Variants in CAMKMT observed in about 807,000 individuals in gnomAD.
CAMKMT encodes the protein calmodulin-lysine N-methyltransferase.
Under a neutral mutation model 48.0 loss-of-function variants are expected in CAMKMT, and 53 were observed. The observed-to-expected ratio is 1.10, with a 90% CI of 0.89 to 1.39. CAMKMT has a LOEUF of 1.39. Ranked by LOEUF, CAMKMT falls within the 40% of genes most tolerant of loss-of-function variation. The pLI is 0.00. For synonymous variants in CAMKMT, 165 were observed against 152.3 expected (o/e 1.08, Z -0.61); for missense variants, 428 against 402.7 (o/e 1.06, Z -0.54).
chr2:44,492,786 T>A (rs1283739466), intron 3 of CAMKMT, among the ~76,000 whole-genome samples: 1 of 152,160 alleles, frequency 6.6e-6, no homozygotes, highest in Non-Finnish European at 1.5e-5. Context: ...GGCTTTCTCC[T>A]AAGGCATTTG....
chr2:44,744,741 A>G (rs1015070732), intron 8 of CAMKMT, among the ~76,000 whole-genome samples: 2 of 152,036 alleles, frequency 1.3e-5, no homozygotes, highest in Non-Finnish European at 2.9e-5. Context: ...AAGATTTTCA[A>G]TGGATAACTT....
At chr2:44,591,091 G>C (rs1670234948) in intron 3 of CAMKMT, among the ~76,000 whole-genome samples, 2 of 151,492 alleles carry the variant, frequency 1.3e-5, no homozygotes, top group African/African-American at 4.9e-5. Context: ...TCTGAGGGCT[G>C]TGTCCTGTTC....
intron 3 of CAMKMT, among the ~76,000 whole-genome samples, chr2:44,590,453 C>G (rs768840617): frequency 2.6e-5 from 4 of 152,294 alleles, no homozygotes; most frequent in Non-Finnish European, 5.9e-5. Context: ...GCCATTCTAT[C>G]TGGCGTGAGA....
In CAMKMT at chr2:44,772,107, T is replaced by G; in HGVS notation, c.966T>G (p.His322Gln). 1 of 1,612,854 alleles carries G rather than the reference T, an allele frequency of 6.2e-7. No individual in the cohort carries two copies. The highest frequency in any genetic ancestry group is 8.5e-7 in the Non-Finnish European group (1 of 1,179,220). Residue 322 changes from histidine to glutamine, a missense_variant, in exon 11 of 11, where the codon CAT becomes CAG. Physicochemically the swap from His to Gln is conservative, Grantham distance 24 (BLOSUM62 0). Coordinates refer to ENST00000378494, the MANE Select transcript of CAMKMT (RefSeq NM_024766.5). ...CGCTTCTGCTTATTTTGACCAAACA[T>G]GGATAGAAGATTAAGCTTCTCAAAG... ...HYPLLLILTK[H>Q]G
intron 3 of CAMKMT, among the ~76,000 whole-genome samples, chr2:44,411,486 T>C (rs966800087): frequency 3.3e-5 from 5 of 152,340 alleles, no homozygotes; most frequent in African/African-American, 1.2e-4. Flanking sequence ...CTCCCTCATT[T>C]ATGAAGTGAA....
intron 1 of CAMKMT, among the ~76,000 whole-genome samples, chr2:44,370,240 G>A (rs1215525655): frequency 6.6e-6 from 1 of 152,120 alleles, no homozygotes; most frequent in Non-Finnish European, 1.5e-5. Context: ...TGAAGAATGT[G>A]GTAAGACTTG....
intron 3 of CAMKMT, among the ~76,000 whole-genome samples, chr2:44,521,129 A>T (rs545110876): frequency 1.2e-4 from 18 of 152,306 alleles, no homozygotes; most frequent in African/African-American, 4.3e-4. Flanking sequence ...ACTGAAGTTG[A>T]AAGTGACATA....
intron 3 of CAMKMT, among the ~76,000 whole-genome samples, chr2:44,609,915 A>G (rs186675458): frequency 1.3e-5 from 2 of 152,262 alleles, no homozygotes; most frequent in African/African-American, 4.8e-5. Context: ...ACAGTTGAAA[A>G]CCATTGTCAA....
At chr2:44,485,672 G>T (rs1018569635) in intron 3 of CAMKMT, among the ~76,000 whole-genome samples, 4 of 152,186 alleles carry the variant, frequency 2.6e-5, no homozygotes, top group Non-Finnish European at 5.9e-5. Flanking sequence ...ACAATGGTAA[G>T]TATTTATGTA....
intron 6 of CAMKMT, 107 bp downstream of exon 6, chr2:44,707,569 C>A: frequency 1.2e-6 from 1 of 843,868 alleles, no homozygotes; most frequent in Non-Finnish European, 1.9e-6. Context: ...AAGAGAGTTT[C>A]CCCCCTACAT....
intron 7 of CAMKMT, among the ~76,000 whole-genome samples, chr2:44,725,309 C>G (rs1332196969): frequency 6.6e-6 from 1 of 151,948 alleles, no homozygotes; most frequent in African/African-American, 2.4e-5. Flanking sequence ...TATTCTAGTC[C>G]AACTTTTATT....
At chr2:44,476,742 C>T (rs960090960) in intron 3 of CAMKMT, among the ~76,000 whole-genome samples, 2 of 152,054 alleles carry the variant, frequency 1.3e-5, no homozygotes, top group Non-Finnish European at 2.9e-5. Flanking sequence ...AGTTGCTTAA[C>T]AGAAAGAGCA....
At chr2:44,557,613 A>G (rs897976907) in intron 3 of CAMKMT, among the ~76,000 whole-genome samples, 6 of 152,142 alleles carry the variant, frequency 3.9e-5, no homozygotes, top group Admixed American at 1.3e-4. Flanking sequence ...TATGTGTAAA[A>G]TAGAAACAGT....
intron 3 of CAMKMT, among the ~76,000 whole-genome samples, chr2:44,682,430 A>G (rs1004505190): frequency 5.3e-5 from 8 of 152,222 alleles, no homozygotes; most frequent in African/African-American, 1.9e-4. Flanking sequence ...TTTTAAACCC[A>G]ATAGAAGAGG....
At position 44,589,896 on chromosome 2, in the gene CAMKMT, G is replaced by GA. The variant is rs888613058; in HGVS notation, c.377-114375dup. Among the ~76,000 whole-genome samples, 7 of 60,374 alleles carry GA rather than the reference G, an allele frequency of 1.2e-4. No homozygotes were observed. The East Asian group carries it at 1.9e-3, about 16-fold the overall frequency. 39.6% of individuals were successfully genotyped at this position (60,374 alleles called of 152,430 possible). A position where few individuals can be genotyped will look rare whatever the true frequency, so the allele number is the denominator to read the frequency against. On this transcript the variant is annotated intron_variant, in intron 3 of 10. Coordinates refer to ENST00000378494, the MANE Select transcript of CAMKMT (RefSeq NM_024766.5). ...AAGAATGATCAATAAAAAAAAAAAA[G>GA]AAAAAAAAAAAAGAACGAAAAAAAA...
intron 3 of CAMKMT, among the ~76,000 whole-genome samples, chr2:44,504,578 G>A (rs1304097864): frequency 6.6e-6 from 1 of 152,030 alleles, no homozygotes; most frequent in East Asian, 1.9e-4. Context: ...CTCTTACAAG[G>A]GCAGAATTGA....
chr2:44,555,139 G>T (rs141454302), intron 3 of CAMKMT, among the ~76,000 whole-genome samples: 26 of 152,252 alleles, frequency 1.7e-4, no homozygotes, highest in African/African-American at 5.3e-4. Flanking sequence ...ACACAGTCGT[G>T]TCTGAAAACA....
intron 3 of CAMKMT, among the ~76,000 whole-genome samples, chr2:44,606,887 T>C (rs896889564): frequency 4.6e-5 from 7 of 151,916 alleles, no homozygotes; most frequent in African/African-American, 1.7e-4. Context: ...GCTGGTTCTA[T>C]GCAGTGATTC....
At chr2:44,591,308 G>A (rs1457103673) in intron 3 of CAMKMT, among the ~76,000 whole-genome samples, 2 of 152,198 alleles carry the variant, frequency 1.3e-5, no homozygotes, top group East Asian at 1.9e-4. Context: ...TTGGTAGCTT[G>A]ATGGGGTTGG....
Sources: allele counts gnomAD v4.1 joint callset (sites outside exome capture counted in the v4.1 genomes callset), GRCh38; gene constraint gnomAD v4.1.1; transcripts MANE v1.5; gene names NCBI Gene and HGNC (gene_info 2026-07-23, HGNC 2026-07-21).